The following PRPSAP2 variants were observed in gnomAD, a reference collection of about 807,000 sequenced individuals.
PRPSAP2 encodes the protein phosphoribosyl pyrophosphate synthetase associated protein 2, also known as phosphoribosyl pyrophosphate synthase-associated protein 2.
A neutral mutation model predicts 40.6 loss-of-function variants in PRPSAP2; 24 were observed. That is an observed-to-expected ratio of 0.59 (90% CI 0.43 to 0.83). PRPSAP2 has a LOEUF of 0.83. Ranked by LOEUF, PRPSAP2 falls within the 40% of genes least tolerant of loss-of-function variation. The pLI, the probability that PRPSAP2 is intolerant of heterozygous loss-of-function variation, is 0.00. For synonymous variants in PRPSAP2, 149 were observed against 164.7 expected, an observed-to-expected ratio of 0.90 and a Z score of 0.73; for missense variants, 292 against 465.6, an observed-to-expected ratio of 0.63 and a Z score of 3.43.
At chr17:18,873,476 G>A (rs1212431019) in intron 5 of PRPSAP2, among the ~76,000 whole-genome samples, 2 of 152,132 alleles carry the variant, frequency 1.3e-5, no homozygotes, top group African/African-American at 4.8e-5. Context: ...AAAGTGCTGG[G>A]ATTACAGGCG....
intron 5 of PRPSAP2, among the ~76,000 whole-genome samples, chr17:18,874,798 C>T (rs546955498): frequency 6.6e-6 from 1 of 152,368 alleles, no homozygotes; most frequent in Non-Finnish European, 1.5e-5. Flanking sequence ...CATCTTAACC[C>T]TTTACCTCCA....
chr17:18,906,622 G>A (rs1196921080), intron 8 of PRPSAP2, among the ~76,000 whole-genome samples: 1 of 152,086 alleles, frequency 6.6e-6, no homozygotes, highest in Non-Finnish European at 1.5e-5. Context: ...CAAAGTGCTG[G>A]GATTACAGGT....
intron 9 of PRPSAP2, among the ~76,000 whole-genome samples, chr17:18,921,808 T>A (rs2041703673): frequency 6.6e-6 from 1 of 152,218 alleles, no homozygotes; most frequent in Non-Finnish European, 1.5e-5. Context: ...TTTGTGACAT[T>A]GCCTTAAAAG....
chr17:18,928,557 C>T (rs928632477), intron 10 of PRPSAP2: 3 of 471,460 alleles, frequency 6.4e-6, no homozygotes, highest in Non-Finnish European at 1.2e-5. Flanking sequence ...AGTGCTACCC[C>T]TGGGAGCCTG....
At chr17:18,862,056 T>G (rs1821087692) in intron 1 of PRPSAP2, among the ~76,000 whole-genome samples, 1 of 152,080 alleles carries the variant, frequency 6.6e-6, no homozygotes, top group African/African-American at 2.4e-5. Context: ...CCTAGCTAAT[T>G]TTTGCATTTT....
intron 11 of PRPSAP2, 148 bp downstream of exon 11, chr17:18,929,105 C>G: frequency 8.0e-7 from 1 of 1,257,602 alleles, no homozygotes; most frequent in Non-Finnish European, 1.1e-6. Context: ...GCCTGTAATC[C>G]CAGCACTTTG....
chr17:18,869,914 C>T (rs1452749152), intron 4 of PRPSAP2, among the ~76,000 whole-genome samples: 1 of 149,698 alleles, frequency 6.7e-6, no homozygotes, highest in African/African-American at 2.5e-5. Flanking sequence ...GTGGCGCAAT[C>T]TTGGCTCACT....
chr17:18,889,469 C>A (rs578077355), intron 7 of PRPSAP2, among the ~76,000 whole-genome samples: 32 of 152,188 alleles, frequency 2.1e-4, no homozygotes, highest in African/African-American at 7.7e-4. Context: ...ATTTGACAGT[C>A]AGCTTGTATT....
upstream of PRPSAP2, chr17:18,856,480 T>C (rs772031681): frequency 2.0e-5 from 3 of 152,166 alleles, no homozygotes; most frequent in Non-Finnish European, 2.9e-5. Flanking sequence ...CAAAGAGGTA[T>C]GTCCCTGTAA....
intron 4 of PRPSAP2, among the ~76,000 whole-genome samples, chr17:18,872,169 A>G (rs2037935942): frequency 6.6e-6 from 1 of 151,546 alleles, no homozygotes; most frequent in Non-Finnish European, 1.5e-5. Flanking sequence ...GCCACTCGGG[A>G]GGCTGAGGCA....
chr17:18,915,277 C>T (rs1350228002), intron 9 of PRPSAP2, among the ~76,000 whole-genome samples: 1 of 152,126 alleles, frequency 6.6e-6, no homozygotes, highest in African/African-American at 2.4e-5. Context: ...CCTTCCACCT[C>T]AGCCTCCCAA....
chr17:18,899,998 T>C (rs2040166651), intron 8 of PRPSAP2, among the ~76,000 whole-genome samples: 1 of 152,238 alleles, frequency 6.6e-6, no homozygotes, highest in South Asian at 2.1e-4. Flanking sequence ...GTGATCCTTA[T>C]GCCTCAGCCT....
At chr17:18,880,252 C>T (rs1423157253) in intron 6 of PRPSAP2, among the ~76,000 whole-genome samples, 1 of 152,198 alleles carries the variant, frequency 6.6e-6, no homozygotes, top group Non-Finnish European at 1.5e-5. Context: ...GCTTGATGGG[C>T]CTCCAGACTT....
At chr17:18,882,743 C>A in intron 7 of PRPSAP2, 60 bp downstream of exon 7, 1 of 1,149,180 alleles carries the variant, frequency 8.7e-7, no homozygotes, top group Non-Finnish European at 1.3e-6. Context: ...GATGTATTTC[C>A]ATTTCCTTAG....
chr17:18,914,028 G>T (rs2041136469), intron 9 of PRPSAP2, among the ~76,000 whole-genome samples: 2 of 151,520 alleles, frequency 1.3e-5, no homozygotes, highest in South Asian at 4.2e-4. Flanking sequence ...ACAAAAATTA[G>T]CTGGGCATGG....
chr17:18,890,260 C>T (rs11650153), intron 8 of PRPSAP2, among the ~76,000 whole-genome samples: 80,106 of 151,648 alleles, frequency 0.53, 21,397 homozygotes, highest in Middle Eastern at 0.6. Context: ...ACCTCCACCT[C>T]CTGGGTTCAA....
intron 11 of PRPSAP2, chr17:18,929,840 A>G (rs1196069639): frequency 6.6e-6 from 1 of 152,016 alleles, no homozygotes; most frequent in Non-Finnish European, 1.5e-5. Flanking sequence ...TTTTGTGTGG[A>G]CATGTGTTTT....
intron 7 of PRPSAP2, among the ~76,000 whole-genome samples, chr17:18,886,640 GAGCCACCGCGCCCA>G (rs1478694763): frequency 1.3e-5 from 2 of 152,044 alleles, no homozygotes; most frequent in Non-Finnish European, 2.9e-5. Flanking sequence ...TTACAGGTGT[GAGCCACCGCGCCCA>G]GCCAACTTTT....
At chr17:18,872,554 C>G (rs80097258) in intron 4 of PRPSAP2, 29 bp from the exon 5 acceptor site, 37 of 1,516,440 alleles carry the variant, frequency 2.4e-5, no homozygotes, top group Non-Finnish European at 2.6e-5. Context: ...ATATGCCTTT[C>G]CCTCTCTTCT....
Sources: gnomAD v4.1 joint callset for allele counts (sites outside exome capture counted in the v4.1 genomes callset) on GRCh38, gnomAD v4.1.1 for gene constraint, MANE v1.5 for transcripts, NCBI Gene and HGNC (gene_info 2026-07-23, HGNC 2026-07-21) for gene names.